The following KALRN variants were observed in gnomAD, a reference collection of about 807,000 sequenced individuals.
KALRN encodes kalirin.
Under a neutral mutation model 353.7 loss-of-function variants are expected in KALRN, and 70 were observed. The ratio of observed to expected loss-of-function variants is 0.20; its 90% confidence interval spans 0.16 to 0.24. KALRN has a LOEUF of 0.24. KALRN is among the 10% of genes least tolerant of loss of function. KALRN has a pLI of 1.00. For missense variants in KALRN, 2,791 were observed against 3,756.7 expected, an observed-to-expected ratio of 0.74 and a Z score of 6.72; for synonymous variants, 1,391 against 1,434.8, an observed-to-expected ratio of 0.97 and a Z score of 0.69.
At chr3:124,689,483 G>A (rs1381945239) in intron 51 of KALRN, among the ~76,000 whole-genome samples, 3 of 152,156 alleles carry the variant, frequency 2.0e-5, no homozygotes, top group African/African-American at 4.8e-5. Context: ...GATTACAGGC[G>A]TGAGCAACCA....
At position 124,413,982 on chromosome 3, in the gene KALRN, T is replaced by A. The variant is rs146692114; in HGVS notation, c.2542+317T>A. On this transcript the variant is annotated intron_variant, in intron 14 of 59. Coordinates refer to ENST00000682506, the MANE Select transcript of KALRN (RefSeq NM_001388419.1). ...TTATCCAGGTGTGGGGGCAGATGCC[T>A]ATAATCCCAGCTACTCAGGAGGCTG... Among the ~76,000 whole-genome samples the A allele has an allele frequency of 2.1e-3, 319 of 152,162 alleles. 2 individuals are homozygous for A. The highest frequency in any genetic ancestry group is 7.3e-3 in the African/African-American group (301 of 41,508).
At chr3:124,153,075 T>A (rs187960019) in intron 1 of KALRN, 137 of 164,884 alleles carry the variant, frequency 8.3e-4, no homozygotes, top group African/African-American at 2.6e-3. Flanking sequence ...TAATTTTTTT[T>A]AATTCTTTTT....
At chr3:124,382,369 A>G (rs2087521318) in intron 10 of KALRN, among the ~76,000 whole-genome samples, 1 of 152,096 alleles carries the variant, frequency 6.6e-6, no homozygotes, top group African/African-American at 2.4e-5. Context: ...TTGTCATGTT[A>G]TTTCTCTCAA....
intron 35 of KALRN, among the ~76,000 whole-genome samples, chr3:124,633,255 TA>T (rs550820430): frequency 1.6e-4 from 25 of 152,356 alleles, no homozygotes; most frequent in African/African-American, 4.6e-4. Context: ...TCATGAAAAC[TA>T]ATGAACGCCC....
chr3:124,678,055 T>A (rs2087389518), intron 49 of KALRN, 135 bp from the exon 50 acceptor site: 1 of 864,656 alleles, frequency 1.2e-6, no homozygotes, highest in African/African-American at 1.7e-5. Flanking sequence ...GGAGCTGGTG[T>A]GCAGGTTTGG....
chr3:124,192,002 C>A (rs909699849), intron 1 of KALRN, among the ~76,000 whole-genome samples: 5 of 152,218 alleles, frequency 3.3e-5, no homozygotes, highest in African/African-American at 9.7e-5. Context: ...GGCCTGGGAA[C>A]CTGTGTGTTC....
intron 17 of KALRN, among the ~76,000 whole-genome samples, chr3:124,435,313 G>C (rs9289235): frequency 0.36 from 54,396 of 152,042 alleles, 9,964 homozygotes; most frequent in East Asian, 0.51. Context: ...TCTGTCATTA[G>C]GGAACTAGAA....
intron 37 of KALRN, among the ~76,000 whole-genome samples, chr3:124,645,024 T>G (rs1371794169): frequency 6.6e-6 from 1 of 152,234 alleles, no homozygotes; most frequent in Non-Finnish European, 1.5e-5. Context: ...CCATTCTAAC[T>G]GGCGTGAGAT....
chr3:124,085,101 T>C (rs751633541), intron 1 of KALRN, among the ~76,000 whole-genome samples: 3 of 152,220 alleles, frequency 2.0e-5, no homozygotes, highest in Non-Finnish European at 4.4e-5. Context: ...TAAGTAGAGA[T>C]GGCAGGTTTT....
intron 33 of KALRN, among the ~76,000 whole-genome samples, chr3:124,547,419 C>G (rs1213808159): frequency 2.0e-5 from 3 of 152,072 alleles, no homozygotes; most frequent in Non-Finnish European, 4.4e-5. Flanking sequence ...CTCAAGCAAT[C>G]CCCCCACCTC....
chr3:124,423,553 C>T lies in KALRN; in HGVS notation c.2709+575C>T, dbSNP rs144636594. On this transcript the variant is annotated intron_variant, in intron 15 of 59. Transcript: ENST00000682506. ...CTAGATCTCTAGGAACCTGTGGGAA[C>T]ATACACACAATGACCAATGTCACAT... Among the ~76,000 whole-genome samples the T allele has an allele frequency of 5.9e-4, 90 of 152,342 alleles. No homozygotes were observed. The East Asian group carries it at 0.014, about 24-fold the overall frequency.
At chr3:124,121,651 G>A (rs142569758) in intron 1 of KALRN, among the ~76,000 whole-genome samples, 100 of 152,350 alleles carry the variant, frequency 6.6e-4, no homozygotes, top group African/African-American at 2.3e-3. Flanking sequence ...AATGCAAGAA[G>A]TGGTGATTTA....
chr3:124,054,427 G>A (rs2041333570), intron 1 of KALRN, among the ~76,000 whole-genome samples: 1 of 135,560 alleles, frequency 7.4e-6, no homozygotes, highest in Admixed American at 7.7e-5. Flanking sequence ...TGGAGAACAT[G>A]CTAAATACCC....
chr3:124,170,822 T>C (rs1399635677), intron 1 of KALRN, among the ~76,000 whole-genome samples: 10 of 137,700 alleles, frequency 7.3e-5, no homozygotes, highest in Non-Finnish European at 1.1e-4. Flanking sequence ...CTCCTTCCAC[T>C]TCCACATTCT....
At position 124,723,960 on chromosome 3, in the gene KALRN, T is replaced by G. The variant is rs1364689782; in HGVS notation, c.*4490T>G. On this transcript the variant is annotated 3_prime_UTR_variant, in exon 60 of 60. Transcript: ENST00000682506. ...CCTCACAGGAATCTAAGAGACAAAT[T>G]AAATGCACAGGCAAATTAAATGCAT... is the stretch of plus-strand genomic sequence containing the variant. 1 of 152,008 alleles carries G rather than the reference T, an allele frequency of 6.6e-6. No homozygotes were observed. The highest frequency in any genetic ancestry group is 1.5e-5 in the Non-Finnish European group (1 of 68,006). 9.4% of individuals were successfully genotyped at this position (152,008 alleles called of 1,614,324 possible).
intron 1 of KALRN, among the ~76,000 whole-genome samples, chr3:124,056,558 G>T (rs997998011): frequency 6.6e-6 from 1 of 152,138 alleles, no homozygotes; most frequent in Non-Finnish European, 1.5e-5. Context: ...AAAGTCTATG[G>T]GGTCTCTGAT....
intron 5 of KALRN, among the ~76,000 whole-genome samples, chr3:124,294,332 T>C (rs77701290): frequency 0.016 from 2,452 of 151,212 alleles, 28 homozygotes; most frequent in Non-Finnish European, 0.028. Context: ...TAGCCTTGGG[T>C]AGAATGAATT....
intron 54 of KALRN, 37 bp downstream of exon 54, chr3:124,696,292 A>T: frequency 6.2e-7 from 1 of 1,601,182 alleles, no homozygotes; most frequent in East Asian, 2.2e-5. Context: ...TTTGAAATAT[A>T]TATATATTTT....
intron 3 of KALRN, among the ~76,000 whole-genome samples, chr3:124,244,273 T>C (rs2080850922): frequency 6.6e-6 from 1 of 152,154 alleles, no homozygotes; most frequent in Non-Finnish European, 1.5e-5. Flanking sequence ...GTTTCACTCT[T>C]GTCACCCAGG....
Sources: allele counts gnomAD v4.1 joint callset (sites outside exome capture counted in the v4.1 genomes callset), GRCh38; gene constraint gnomAD v4.1.1; transcripts MANE v1.5; gene names NCBI Gene and HGNC (gene_info 2026-07-23, HGNC 2026-07-21).